The following ZNF786 variants were observed in gnomAD, a reference collection of about 807,000 sequenced individuals.
ZNF786 encodes the protein zinc finger protein 786.
In ZNF786, 56 loss-of-function variants were observed where a neutral mutation model predicts 63.1. That is an observed-to-expected ratio of 0.89 (90% confidence interval 0.72 to 1.11). The LOEUF (loss-of-function observed/expected upper bound fraction) is 1.11, where lower values mean the gene tolerates loss of function less well. Ranked by LOEUF, ZNF786 falls within the 50% of genes least tolerant of loss-of-function variation. ZNF786 has a pLI of 0.00. For missense variants in ZNF786, 1,213 were observed against 1,041.8 expected (o/e 1.16, Z -2.26); for synonymous variants, 485 against 406.9 (o/e 1.19, Z -2.31).
chr7:149,082,921 A>G (rs1296232513), intron 1 of ZNF786, among the ~76,000 whole-genome samples: 1 of 138,410 alleles, frequency 7.2e-6, no homozygotes, highest in East Asian at 2.2e-4. Context: ...TTTGAGACGG[A>G]GTCTCACTCT....
At position 149,070,566 on chromosome 7, in the gene ZNF786, C is replaced by T. The variant is rs750233608; in HGVS notation, c.2206G>A (p.Asp736Asn). 1.1e-5 allele frequency: 17 copies of T among 1,614,022 alleles called. No individual in the cohort carries two copies. The highest frequency in any genetic ancestry group is 1.4e-5 in the Non-Finnish European group (16 of 1,179,904). The stretch of plus-strand genomic sequence containing the variant: ...TTGTAAATGAAGCCCTTCCCACAAT[C>T]GCCACAGGCAAAGGGCCTCTCGGGC... Reference protein sequence around the residue: ...HRPERPFACGDCGKGFIYKSK... With the variant: ...HRPERPFACGNCGKGFIYKSK... The change falls in exon 4 of 4, where the codon GAT becomes AAT. Residue 736 changes from aspartate to asparagine, a missense_variant. By Grantham distance (23) the Asp-to-Asn change is conservative. Coordinates refer to ENST00000491431, the MANE Select transcript of ZNF786 (RefSeq NM_152411.4).
chr7:149,071,883 G>A lies in ZNF786; in HGVS notation c.889C>T (p.Gln297Ter), dbSNP rs1251702877. The A allele has an allele frequency of 5.0e-6, 8 of 1,602,646 alleles. No homozygotes were observed. Among genetic ancestry groups the A allele is most frequent in the Non-Finnish European group, 5.9e-6 (7 of 1,176,702 alleles). Reference protein sequence around the residue: ...RLPQQGEKPAQCTPCGKRSLP... With the variant: ...RLPQQGEKPA ...GAGCGCTTGCCGCATGGGGTGCACT[G>A]GGCAGGCTTCTCCCCCTGCTGCGGG... is the stretch of plus-strand genomic sequence containing the variant. Residue 297 changes from glutamine to a stop codon, truncating the protein, a stop_gained, in exon 4 of 4, where the codon CAG (glutamine) becomes TAG (stop). Coordinates refer to ENST00000491431, the MANE Select transcript of ZNF786 (RefSeq NM_152411.4). LOFTEE classifies it high-confidence loss of function.
intron 2 of ZNF786, among the ~76,000 whole-genome samples, chr7:149,077,399 G>A (rs907056830): frequency 1.3e-4 from 20 of 151,682 alleles, no homozygotes; most frequent in African/African-American, 3.6e-4. Context: ...AGGCCAAGGC[G>A]GGTGGATCAT....
intron 2 of ZNF786, 133 bp from the exon 3 acceptor site, chr7:149,074,671 C>G: frequency 4.4e-6 from 5 of 1,134,612 alleles, no homozygotes; most frequent in Admixed American, 6.1e-5. Flanking sequence ...CAGGTTTACA[C>G]AAAGATGAAA....
chr7:149,086,385 T>C (rs1157987770), intron 1 of ZNF786, among the ~76,000 whole-genome samples: 1 of 152,154 alleles, frequency 6.6e-6, no homozygotes, highest in Non-Finnish European at 1.5e-5. Flanking sequence ...CCCAGCACTT[T>C]GGGAGGCCAA....
rs966721173 is a variant in ZNF786, at chr7:149,071,744, C to T, written c.1028G>A (p.Gly343Asp). The change falls in exon 4 of 4, where the codon GGC becomes GAC. Residue 343 changes from glycine (G) to aspartate (D), a missense_variant. Gly to Asp is a moderately conservative substitution (Grantham distance 94, BLOSUM62 -1). Coordinates refer to ENST00000491431, the MANE Select transcript of ZNF786 (RefSeq NM_152411.4). ...SSSVHSGQKPGSRLPQEGNSH... is the reference protein window; with the variant it reads ...SSSVHSGQKPDSRLPQEGNSH... ...GTTCCCCTCCTGGGGCAGGCGCGAG[C>T]CTGGTTTCTGTCCCGAGTGCACACT... The T allele has an allele frequency of 2.5e-6, 4 of 1,588,614 alleles. No individual in the cohort carries two copies. Among genetic ancestry groups the T allele is most frequent in the Non-Finnish European group, 3.4e-6 (4 of 1,174,910 alleles).
At chr7:149,073,776 T>C (rs1374144399) in intron 3 of ZNF786, among the ~76,000 whole-genome samples, 3 of 104,798 alleles carry the variant, frequency 2.9e-5, no homozygotes, top group Admixed American at 1.2e-4. Context: ...TATATATATA[T>C]ATATGTATAT....
intron 1 of ZNF786, among the ~76,000 whole-genome samples, chr7:149,088,796 G>A (rs930101667): frequency 6.6e-6 from 1 of 152,038 alleles, no homozygotes. Context: ...TCCTTCCTTT[G>A]TAAAGGCAAA....
In ZNF786 at chr7:149,072,470, C is replaced by T; in HGVS notation, c.302G>A (p.Ser101Asn). The T allele has an allele frequency of 1.9e-6, 3 of 1,576,444 alleles. No individual in the cohort carries two copies. The highest frequency in any genetic ancestry group is 2.6e-6 in the Non-Finnish European group (3 of 1,164,416). Reference sequence around the variant, plus strand: ...TTTTCCTGAATTCATAGCCTGCTGGCTTCCTGCAATTGAAAACAAAAATTC... The same window carrying T: ...TTTTCCTGAATTCATAGCCTGCTGGTTTCCTGCAATTGAAAACAAAAATTC... Reference protein sequence around the residue: ...PGFEEQLFWGSQQAMNSGKTK... With the variant: ...PGFEEQLFWGNQQAMNSGKTK... Residue 101 changes from serine (S) to asparagine (N), a missense_variant, in exon 4 of 4, where the codon AGC (serine) becomes AAC (asparagine). By Grantham distance (46) the Ser-to-Asn change is conservative. Transcript: ENST00000491431.
rs1010326088 is a variant in ZNF786 at position 149,080,329 on chromosome 7, C to T, written c.145+262G>A. On this transcript the variant is annotated intron_variant, in intron 2 of 3. Coordinates refer to ENST00000491431, the MANE Select transcript of ZNF786 (RefSeq NM_152411.4). ...TGGACAATCATGGCATCCTGATAGT[C>T]ATGACTAAAGGCCCCTCATAAATAA... 9.2e-5 allele frequency among the ~76,000 whole-genome samples: 14 copies of T among 152,166 alleles called. No homozygotes were observed. The South Asian group carries it at 1.0e-3, about 11-fold the overall frequency.
chr7:149,080,480 T>A (rs566521097), intron 2 of ZNF786, 111 bp downstream of exon 2: 11 of 1,139,060 alleles, frequency 9.7e-6, no homozygotes, highest in Non-Finnish European at 1.3e-5. Context: ...AATACCCTTC[T>A]GAGTTAATTT....
chr7:149,081,272 C>A, intron 1 of ZNF786: 1 of 403,432 alleles, frequency 2.5e-6, no homozygotes, highest in South Asian at 1.8e-5. Context: ...CCCACCTCTA[C>A]TAAAAATACA....
At chr7:149,080,850 AC>A (rs931584221) in intron 1 of ZNF786, 133 bp from the exon 2 acceptor site, 3 of 1,028,270 alleles carry the variant, frequency 2.9e-6, no homozygotes, top group African/African-American at 1.6e-5. Context: ...TTCCTGGAGA[AC>A]TACTCCTTCC....
At chr7:149,072,667 A>T (rs1442342649) in intron 3 of ZNF786, among the ~76,000 whole-genome samples, 194 bp from the exon 4 acceptor site, 1 of 152,168 alleles carries the variant, frequency 6.6e-6, no homozygotes, top group Non-Finnish European at 1.5e-5. Flanking sequence ...CTGAACAGAC[A>T]TATCTTTGGA....
At position 149,074,509 on chromosome 7, in the gene ZNF786, A is replaced by G. The variant is rs2129514594; in HGVS notation, c.175T>C (p.Ser59Pro). The G allele has an allele frequency of 1.9e-6, 3 of 1,613,850 alleles. No individual in the cohort carries two copies. The highest frequency in any genetic ancestry group is 2.5e-6 in the Non-Finnish European group (3 of 1,179,830). ...DDGLPKPELI[S>P]WIEHGGEPFR... ...GGCTCTCCCCCGTGTTCAATCCAGGATATTAGTTCTGGTTTTGGAAGTCCA... is the reference window on the plus strand; with the variant it reads ...GGCTCTCCCCCGTGTTCAATCCAGGGTATTAGTTCTGGTTTTGGAAGTCCA... Residue 59 changes from serine (S) to proline (P), a missense_variant, in exon 3 of 4, where the codon TCC becomes CCC. By Grantham distance (74) the Ser-to-Pro change is moderately conservative (BLOSUM62 -1). Transcript: ENST00000491431.
intron 1 of ZNF786, among the ~76,000 whole-genome samples, chr7:149,083,522 ATTT>A (rs1248537767): frequency 6.6e-5 from 10 of 151,824 alleles, no homozygotes; most frequent in African/African-American, 2.4e-4. Context: ...GCCAAAGTTT[ATTT>A]TTATTTATTT....
At chr7:149,082,145 T>A (rs570727435) in intron 1 of ZNF786, among the ~76,000 whole-genome samples, 1 of 152,252 alleles carries the variant, frequency 6.6e-6, no homozygotes, top group African/African-American at 2.4e-5. Flanking sequence ...GCGGACTTCC[T>A]CCTTGCTGTT....
Position 149,070,732 on chromosome 7 carries a change from C to G in ZNF786, c.2040G>C (p.Lys680Asn), listed in dbSNP as rs1408776341. The G allele has an allele frequency of 1.2e-6, 2 of 1,613,666 alleles. No homozygotes were observed. The highest frequency in any genetic ancestry group is 2.7e-5 in the African/African-American group (2 of 74,918). Residue 680 changes from lysine to asparagine, a missense_variant, in exon 4 of 4, where the codon AAG becomes AAC. By Grantham distance (94) the Lys-to-Asn change is moderately conservative. Coordinates refer to ENST00000491431, the MANE Select transcript of ZNF786 (RefSeq NM_152411.4). ...HTGEKPFQCP[K>N]CDKSFRLKAQ... ...CCTTCAGGCGGAAACTCTTGTCACA[C>G]TTGGGACACTGAAAAGGCTTCTCTC... is the stretch of plus-strand genomic sequence containing the variant.
At chr7:149,077,498 G>C (rs1262628970) in intron 2 of ZNF786, among the ~76,000 whole-genome samples, 1 of 152,056 alleles carries the variant, frequency 6.6e-6, no homozygotes, top group Non-Finnish European at 1.5e-5. Context: ...CGTGGTGGCG[G>C]GCGCCTGTAG....
Sources: gnomAD v4.1 joint callset for allele counts (sites outside exome capture counted in the v4.1 genomes callset) on GRCh38, gnomAD v4.1.1 for gene constraint, MANE v1.5 for transcripts, NCBI Gene and HGNC (gene_info 2026-07-23, HGNC 2026-07-21) for gene names.